The following GTF2F2 variants were observed in gnomAD, a reference collection of about 807,000 sequenced individuals.
The protein encoded by GTF2F2 is general transcription factor IIF subunit 2.
GTF2F2 carries 23 observed loss-of-function variants against 42.2 expected under a neutral mutation model. The observed-to-expected ratio is 0.55, with a 90% CI of 0.39 to 0.77. GTF2F2 has a LOEUF of 0.77. GTF2F2 is among the 30% of genes least tolerant of loss of function. The pLI is 0.00. For synonymous variants in GTF2F2, 105 were observed against 100.8 expected, an observed-to-expected ratio of 1.04 and a Z score of -0.25; for missense variants, 261 against 287.2, an observed-to-expected ratio of 0.91 and a Z score of 0.66.
intron 7 of GTF2F2, among the ~76,000 whole-genome samples, chr13:45,278,301 A>G (rs1442595475): frequency 2.0e-5 from 3 of 152,196 alleles, no homozygotes; most frequent in Non-Finnish European, 2.9e-5. Context: ...ATGCAAACAA[A>G]CATCCTAATC....
intron 5 of GTF2F2, among the ~76,000 whole-genome samples, chr13:45,210,067 T>A (rs139418413): frequency 5.7e-4 from 87 of 152,346 alleles, no homozygotes; most frequent in African/African-American, 2.0e-3. Context: ...CTGTAGTCTC[T>A]TCTCAGCACA....
At chr13:45,163,766 A>G (rs1170868214) in intron 4 of GTF2F2, among the ~76,000 whole-genome samples, 1 of 152,164 alleles carries the variant, frequency 6.6e-6, no homozygotes, top group Non-Finnish European at 1.5e-5. Flanking sequence ...AAAAAATGCC[A>G]TGTAACTGAT....
chr13:45,157,988 T>G (rs1279988898), intron 4 of GTF2F2, among the ~76,000 whole-genome samples: 1 of 152,218 alleles, frequency 6.6e-6, no homozygotes, highest in Non-Finnish European at 1.5e-5. Flanking sequence ...GATACATTAT[T>G]CTTCTATTGT....
At chr13:45,238,495 C>A (rs931294907) in intron 5 of GTF2F2, among the ~76,000 whole-genome samples, 1 of 152,134 alleles carries the variant, frequency 6.6e-6, no homozygotes, top group Non-Finnish European at 1.5e-5. Context: ...TTTCTTCTAT[C>A]ACATGCTGTC....
chr13:45,197,160 T>C (rs1593485448), intron 4 of GTF2F2, among the ~76,000 whole-genome samples: 1 of 151,692 alleles, frequency 6.6e-6, no homozygotes, highest in Non-Finnish European at 1.5e-5. Context: ...TACAAATCCA[T>C]AGGACTTTTG....
intron 5 of GTF2F2, among the ~76,000 whole-genome samples, chr13:45,230,323 C>T (rs1874611826): frequency 6.6e-6 from 1 of 152,082 alleles, no homozygotes; most frequent in African/African-American, 2.4e-5. Flanking sequence ...ATACAAAGTA[C>T]TGGAAAGGCA....
intron 1 of GTF2F2, among the ~76,000 whole-genome samples, chr13:45,128,024 G>C (rs927936783): frequency 3.0e-5 from 4 of 133,232 alleles, no homozygotes; most frequent in Admixed American, 2.4e-4. Context: ...GCAGTGGCGC[G>C]ATCTCGACTC....
intron 4 of GTF2F2, among the ~76,000 whole-genome samples, chr13:45,153,412 G>A (rs1162250243): frequency 6.6e-6 from 1 of 151,998 alleles, no homozygotes; most frequent in African/African-American, 2.4e-5. Flanking sequence ...ATAACAGAAT[G>A]GTAAATTATA....
At chr13:45,273,019 C>G (rs1033241872) in intron 7 of GTF2F2, among the ~76,000 whole-genome samples, 1 of 149,982 alleles carries the variant, frequency 6.7e-6, no homozygotes, top group African/African-American at 2.5e-5. Context: ...CTCCGCCTCC[C>G]GAGTTCAAGC....
At chr13:45,255,669 G>A (rs1242760775) in intron 6 of GTF2F2, among the ~76,000 whole-genome samples, 2 of 152,160 alleles carry the variant, frequency 1.3e-5, no homozygotes, top group Admixed American at 6.5e-5. Flanking sequence ...TGAGAGCTAC[G>A]TGTAAATAGA....
intron 4 of GTF2F2, chr13:45,194,346 A>G (rs1872781471): frequency 6.2e-7 from 1 of 1,614,200 alleles, no homozygotes; most frequent in East Asian, 2.2e-5. Flanking sequence ...AATAATGACC[A>G]TCAGCATCAA....
At chr13:45,210,000 T>G (rs1043238687) in intron 5 of GTF2F2, among the ~76,000 whole-genome samples, 1 of 152,190 alleles carries the variant, frequency 6.6e-6, no homozygotes, top group Non-Finnish European at 1.5e-5. Flanking sequence ...CCATTATTTC[T>G]TACCTGGATT....
intron 5 of GTF2F2, among the ~76,000 whole-genome samples, chr13:45,226,684 T>C (rs972568666): frequency 1.5e-4 from 23 of 152,360 alleles, no homozygotes; most frequent in African/African-American, 5.5e-4. Context: ...TAAAATTTTT[T>C]TGCTCTAAAT....
intron 2 of GTF2F2, among the ~76,000 whole-genome samples, chr13:45,149,212 ATTGT>A (rs1052712276): frequency 6.6e-6 from 1 of 151,612 alleles, no homozygotes; most frequent in African/African-American, 2.4e-5. Flanking sequence ...TGGGAGGCTG[ATTGT>A]TTGGGGCCAG....
chr13:45,265,237 C>T (rs1876514804), intron 6 of GTF2F2, among the ~76,000 whole-genome samples: 1 of 148,814 alleles, frequency 6.7e-6, no homozygotes, highest in East Asian at 2.0e-4. Flanking sequence ...CCAGCCTGGG[C>T]AATAGAGTGA....
intron 2 of GTF2F2, among the ~76,000 whole-genome samples, chr13:45,144,781 G>A (rs1312816869): frequency 6.6e-6 from 1 of 151,900 alleles, no homozygotes; most frequent in African/African-American, 2.4e-5. Flanking sequence ...TAAAAAGTAT[G>A]GAAACAAAAA....
At chr13:45,257,040 T>C (rs1876132732) in intron 6 of GTF2F2, among the ~76,000 whole-genome samples, 3 of 152,146 alleles carry the variant, frequency 2.0e-5, no homozygotes. Flanking sequence ...TACCCACAGT[T>C]TTTTCACCCA....
At chr13:45,228,538 T>C (rs903489079) in intron 5 of GTF2F2, among the ~76,000 whole-genome samples, 39 of 150,522 alleles carry the variant, frequency 2.6e-4, no homozygotes, top group African/African-American at 9.6e-4. Context: ...CTGCTTACCA[T>C]GCTCACACAC....
intron 6 of GTF2F2, among the ~76,000 whole-genome samples, chr13:45,259,278 T>C (rs1455191661): frequency 6.6e-6 from 1 of 152,074 alleles, no homozygotes; most frequent in African/African-American, 2.4e-5. Flanking sequence ...AGTACAAAAT[T>C]AGCTGGGTAT....
Sources: gnomAD v4.1 joint callset for allele counts (sites outside exome capture counted in the v4.1 genomes callset) on GRCh38, gnomAD v4.1.1 for gene constraint, MANE v1.5 for transcripts, NCBI Gene and HGNC (gene_info 2026-07-23, HGNC 2026-07-21) for gene names.